PPP3CA: variants seen among roughly 807,000 people sequenced by gnomAD.
The protein encoded by PPP3CA is CAM-PRP catalytic subunit.
PPP3CA carries 14 observed loss-of-function variants against 66.5 expected under a neutral mutation model. The ratio of observed to expected loss-of-function variants is 0.21; its 90% CI spans 0.14 to 0.33. The LOEUF is 0.33. Ranked by LOEUF, PPP3CA falls within the 10% of genes least tolerant of loss-of-function variation. The pLI is 1.00. For synonymous variants in PPP3CA, 232 were observed against 226.2 expected (o/e 1.03, Z -0.23); for missense variants, 317 against 639.5 (o/e 0.50, Z 5.44).
intron 9 of PPP3CA, among the ~76,000 whole-genome samples, chr4:101,061,899 G>T (rs1728478436): frequency 6.6e-6 from 1 of 151,934 alleles, no homozygotes; most frequent in African/African-American, 2.4e-5. Context: ...CATGTGAAAA[G>T]AAGCCTGTCT....
intron 1 of PPP3CA, among the ~76,000 whole-genome samples, chr4:101,208,377 G>C (rs184127670): frequency 6.6e-6 from 1 of 152,156 alleles, no homozygotes; most frequent in Non-Finnish European, 1.5e-5. Flanking sequence ...CCACAGCGCA[G>C]TTCCACACCT....
At position 101,087,886 on chromosome 4, in the gene PPP3CA, G is replaced by A. The variant is rs1051698131; in HGVS notation, c.783-4623C>T. Among the ~76,000 whole-genome samples, 10 of 152,236 alleles carry A rather than the reference G, an allele frequency of 6.6e-5. No individual in the cohort carries two copies. The East Asian group carries it at 7.7e-4, about 12-fold the overall frequency. ...GCAGCTAATGTAATTTGGGAGTAGA[G>A]GTGAAGTAAGATCAGGTGACCTTCT... On this transcript the variant is annotated intron_variant, in intron 6 of 13. Coordinates refer to ENST00000394854, the MANE Select transcript of PPP3CA (RefSeq NM_000944.5).
chr4:101,323,484 T>C (rs907494235), intron 1 of PPP3CA, among the ~76,000 whole-genome samples: 1 of 152,182 alleles, frequency 6.6e-6, no homozygotes, highest in Non-Finnish European at 1.5e-5. Context: ...CACTTCCCAA[T>C]GTAATGAGGA....
rs1173688203 is a variant in PPP3CA, at chr4:101,024,988, T to C, written c.*877A>G. ...GAATATAGATGCTTTATCACTGTACTTAATATGGTGTCTTGTTCACTATAC... is the reference window on the plus strand; with the variant it reads ...GAATATAGATGCTTTATCACTGTACCTAATATGGTGTCTTGTTCACTATAC... On this transcript the variant is annotated 3_prime_UTR_variant, in exon 14 of 14. Coordinates refer to ENST00000394854, the MANE Select transcript of PPP3CA (RefSeq NM_000944.5). 2 of 152,210 alleles carry C rather than the reference T, an allele frequency of 1.3e-5. No homozygotes were observed. The highest frequency in any genetic ancestry group is 2.9e-5 in the Non-Finnish European group (2 of 67,976). 9.4% of individuals were successfully genotyped at this position (152,210 alleles called of 1,614,324 possible).
At chr4:101,253,483 T>C (rs932302277) in intron 1 of PPP3CA, among the ~76,000 whole-genome samples, 2 of 152,176 alleles carry the variant, frequency 1.3e-5, no homozygotes, top group Non-Finnish European at 2.9e-5. Context: ...CTTCAAGGGT[T>C]ACATTCTATT....
At chr4:101,064,712 C>A (rs1356493690) in intron 8 of PPP3CA, among the ~76,000 whole-genome samples, 1 of 152,030 alleles carries the variant, frequency 6.6e-6, no homozygotes, top group African/African-American at 2.4e-5. Flanking sequence ...TTAGCTCAGC[C>A]TGCTCAACCT....
chr4:101,324,224 A>AAGGAAGGAAGGAAG (rs1729142112), intron 1 of PPP3CA, among the ~76,000 whole-genome samples: 1 of 108,236 alleles, frequency 9.2e-6, no homozygotes, highest in African/African-American at 3.3e-5. Flanking sequence ...AAGGAAGGAA[A>AAGGAAGGAAGGAAG]GGAGGGAAGG....
intron 3 of PPP3CA, among the ~76,000 whole-genome samples, chr4:101,107,281 C>A (rs1360969255): frequency 6.6e-6 from 1 of 152,146 alleles, no homozygotes; most frequent in African/African-American, 2.4e-5. Flanking sequence ...TTTAATAATC[C>A]ATTTAAATTA....
rs138437466 is a variant in PPP3CA, at chr4:101,063,021, T to C, written c.1081+211A>G. On this transcript the variant is annotated intron_variant, in intron 9 of 13. Coordinates refer to ENST00000394854, the MANE Select transcript of PPP3CA (RefSeq NM_000944.5). ...AAATTTCCTAAATATTCCTGTGTTT[T>C]GTTTTTTTTTTTGCTTCCCCCTCAT... is the stretch of plus-strand genomic sequence containing the variant. 3.9e-5 allele frequency among the ~76,000 whole-genome samples: 6 copies of C among 151,914 alleles called. No individual in the cohort carries two copies. The East Asian group carries it at 1.2e-3, about 29-fold the overall frequency.
chr4:101,040,336 T>G (rs1560574149), intron 11 of PPP3CA, 146 bp downstream of exon 11: 5 of 559,278 alleles, frequency 8.9e-6, no homozygotes, highest in South Asian at 9.0e-5. Flanking sequence ...ATTTCTCATT[T>G]AATTTTCCTC....
At chr4:101,091,388 A>ATGCG (rs1729933756) in intron 6 of PPP3CA, among the ~76,000 whole-genome samples, 2 of 152,336 alleles carry the variant, frequency 1.3e-5, no homozygotes, top group East Asian at 3.8e-4. Flanking sequence ...ATATTATACC[A>ATGCG]TGCGTCTTTA....
chr4:101,195,465 T>G (rs961588343), intron 2 of PPP3CA, among the ~76,000 whole-genome samples: 6 of 152,082 alleles, frequency 3.9e-5, no homozygotes, highest in African/African-American at 1.4e-4. Context: ...GGCCTAAGAA[T>G]GCATATTTTA....
At chr4:101,036,472 C>T (rs1237199288) in intron 11 of PPP3CA, among the ~76,000 whole-genome samples, 2 of 151,724 alleles carry the variant, frequency 1.3e-5, no homozygotes, top group Non-Finnish European at 2.9e-5. Context: ...AGTGCAGTGG[C>T]GCAATCTCGG....
At chr4:101,258,970 T>C (rs1228416056) in intron 1 of PPP3CA, among the ~76,000 whole-genome samples, 1 of 152,162 alleles carries the variant, frequency 6.6e-6, no homozygotes, top group Non-Finnish European at 1.5e-5. Flanking sequence ...GCTTCTGAGT[T>C]GTCAGCTGAC....
intron 1 of PPP3CA, among the ~76,000 whole-genome samples, chr4:101,234,807 T>C (rs1256594812): frequency 6.6e-6 from 1 of 151,800 alleles, no homozygotes; most frequent in African/African-American, 2.4e-5. Flanking sequence ...TAGCATCATA[T>C]AATTACCTTT....
intron 2 of PPP3CA, among the ~76,000 whole-genome samples, chr4:101,169,686 C>T (rs1207771269): frequency 6.6e-6 from 1 of 151,804 alleles, no homozygotes; most frequent in Non-Finnish European, 1.5e-5. Context: ...TTATAAGCTG[C>T]TAAAAGGCAA....
At chr4:101,197,719 C>T (rs770634305) in intron 1 of PPP3CA, among the ~76,000 whole-genome samples, 2 of 152,142 alleles carry the variant, frequency 1.3e-5, no homozygotes, top group African/African-American at 4.8e-5. Context: ...ATGAGTAAGG[C>T]ATACATACAT....
intron 2 of PPP3CA, among the ~76,000 whole-genome samples, chr4:101,161,032 T>TA (rs1723489550): frequency 6.6e-6 from 1 of 152,134 alleles, no homozygotes; most frequent in Non-Finnish European, 1.5e-5. Flanking sequence ...CCCATAAGAT[T>TA]ATAACATCAT....
chr4:101,107,369 T>G (rs17030762), intron 3 of PPP3CA, among the ~76,000 whole-genome samples: 3,407 of 152,336 alleles, frequency 0.022, 118 homozygotes, highest in African/African-American at 0.078. Flanking sequence ...AACGTAGATT[T>G]AGGTTTCTAG....
Sources: gnomAD v4.1 joint callset for allele counts (sites outside exome capture counted in the v4.1 genomes callset) on GRCh38, gnomAD v4.1.1 for gene constraint, MANE v1.5 for transcripts, NCBI Gene and HGNC (gene_info 2026-07-23, HGNC 2026-07-21) for gene names.